The following KCNMB4 variants were observed in gnomAD, a reference collection of about 807,000 sequenced individuals.
KCNMB4 encodes the protein potassium calcium-activated channel subfamily M regulatory beta subunit 4.
In KCNMB4, 3 loss-of-function variants were observed where a neutral mutation model predicts 20.7. The observed-to-expected ratio is 0.14, with a 90% CI of 0.07 to 0.37. The LOEUF (loss-of-function observed/expected upper bound fraction) is 0.37. Ranked by LOEUF, KCNMB4 falls within the 10% of genes least tolerant of loss-of-function variation. The pLI, the probability that KCNMB4 is intolerant of heterozygous loss-of-function variation, is 1.00. For synonymous variants in KCNMB4, 110 were observed against 113.4 expected (o/e 0.97, Z 0.19); for missense variants, 168 against 265.9 (o/e 0.63, Z 2.56).
chr12:70,382,393 A>G (rs1040195469), intron 1 of KCNMB4, among the ~76,000 whole-genome samples: 6 of 144,078 alleles, frequency 4.2e-5, no homozygotes, highest in African/African-American at 1.6e-4. Flanking sequence ...AGATCGCGCC[A>G]CAGCACTCCC....
chr12:70,426,115 G>A (rs2136143771), intron 2 of KCNMB4, among the ~76,000 whole-genome samples: 1 of 152,132 alleles, frequency 6.6e-6, no homozygotes, highest in African/African-American at 2.4e-5. Flanking sequence ...CAAATATGGT[G>A]AAACCCCATC....
intron 2 of KCNMB4, among the ~76,000 whole-genome samples, chr12:70,424,357 A>G (rs1344846827): frequency 1.3e-5 from 2 of 151,904 alleles, no homozygotes; most frequent in African/African-American, 4.8e-5. Flanking sequence ...ACAACAGAGC[A>G]GTTCAATGTA....
At position 70,366,633 on chromosome 12, in the gene KCNMB4, C is replaced by T; in HGVS notation, c.-102C>T. 3.6e-6 allele frequency: 3 copies of T among 835,160 alleles called. No individual in the cohort carries two copies. The highest frequency in any genetic ancestry group is 4.7e-6 in the Non-Finnish European group (3 of 641,710). 51.7% of individuals were successfully genotyped at this position (835,160 alleles called of 1,614,324 possible). ...CCACTCCCCTGCTGTCGCGCGGCGG[C>T]GGCGGTGGCGGCGGCGGCTCCTCCC... On this transcript the variant is annotated 5_prime_UTR_variant, in exon 1 of 3. Coordinates refer to ENST00000258111, the MANE Select transcript of KCNMB4 (RefSeq NM_014505.6).
At chr12:70,369,363 CAG>C (rs1883550831) in intron 1 of KCNMB4, among the ~76,000 whole-genome samples, 1 of 152,180 alleles carries the variant, frequency 6.6e-6, no homozygotes, top group Non-Finnish European at 1.5e-5. Flanking sequence ...TGTACATAAG[CAG>C]AGTGTTTCCA....
intron 1 of KCNMB4, among the ~76,000 whole-genome samples, chr12:70,397,050 T>C (rs1349159384): frequency 6.6e-6 from 1 of 152,188 alleles, no homozygotes; most frequent in Non-Finnish European, 1.5e-5. Flanking sequence ...AAGAATTTGA[T>C]GTTTGCCTTA....
intron 1 of KCNMB4, among the ~76,000 whole-genome samples, chr12:70,396,767 C>T (rs1041639966): frequency 6.6e-6 from 1 of 152,144 alleles, no homozygotes; most frequent in Non-Finnish European, 1.5e-5. Flanking sequence ...TGTGGTCCTC[C>T]CCAAATGAGA....
intron 1 of KCNMB4, among the ~76,000 whole-genome samples, chr12:70,373,925 G>A (rs1883641768): frequency 6.6e-6 from 1 of 152,184 alleles, no homozygotes; most frequent in African/African-American, 2.4e-5. Context: ...GTACAAGACT[G>A]CAGTGAGCTA....
At chr12:70,427,314 G>T (rs1310205356) in intron 2 of KCNMB4, among the ~76,000 whole-genome samples, 1 of 152,198 alleles carries the variant, frequency 6.6e-6, no homozygotes, top group Admixed American at 6.5e-5. Flanking sequence ...GTTTGAATGA[G>T]CTAGACTTTA....
Position 70,430,512 on chromosome 12 carries a change from T to G in KCNMB4, c.492T>G (p.Thr164=). ...QRPDDVLLHR[T]HDEIVLLHCF... ...CAGATGATGTGCTTCTGCATCGCAC[T>G]CATGATGAGATTGTCCTCCTGCATT... The change falls in exon 3 of 3, where the codon ACT becomes ACG. Residue 164 remains threonine (T), a synonymous_variant. Transcript: ENST00000258111. 1 of 1,613,116 alleles carries G rather than the reference T, an allele frequency of 6.2e-7. No individual in the cohort carries two copies. The highest frequency in any genetic ancestry group is 1.1e-5 in the South Asian group (1 of 90,740).
chr12:70,376,725 C>T (rs7132023), intron 1 of KCNMB4, among the ~76,000 whole-genome samples: 2 of 150,084 alleles, frequency 1.3e-5, no homozygotes, highest in Non-Finnish European at 3.0e-5. Flanking sequence ...AAAAACAAAA[C>T]GCCAGATGTC....
chr12:70,371,865 G>C (rs1883602152), intron 1 of KCNMB4, among the ~76,000 whole-genome samples: 1 of 152,138 alleles, frequency 6.6e-6, no homozygotes, highest in East Asian at 1.9e-4. Context: ...GGAAGTAACA[G>C]ACAAGAAATA....
chr12:70,430,647 C>G lies in KCNMB4; in HGVS notation c.627C>G (p.Phe209Leu). 6.2e-7 allele frequency: 1 copy of G among 1,608,082 alleles called. No homozygotes were observed. Among genetic ancestry groups the G allele is most frequent in the Non-Finnish European group, 8.5e-7 (1 of 1,178,454 alleles). The change falls in exon 3 of 3, where the codon TTC becomes TTG. Residue 209 changes from phenylalanine (F) to leucine (L), a missense_variant. Coordinates refer to ENST00000258111, the MANE Select transcript of KCNMB4 (RefSeq NM_014505.6). The part of the protein sequence containing the change: ...VKAEAMKKRK[F>L]S Reference sequence around the variant, plus strand: ...CGGAAGCCATGAAGAAGCGCAAGTTCTCTTAAAGGGGAAGGAGGCTTGTAG... The same window carrying G: ...CGGAAGCCATGAAGAAGCGCAAGTTGTCTTAAAGGGGAAGGAGGCTTGTAG...
chr12:70,402,713 C>G (rs959603434), intron 2 of KCNMB4, among the ~76,000 whole-genome samples: 1 of 146,794 alleles, frequency 6.8e-6, no homozygotes. Context: ...GAGAAATGCA[C>G]AGGTGGACGG....
At chr12:70,386,020 G>A (rs916042099) in intron 1 of KCNMB4, among the ~76,000 whole-genome samples, 4 of 152,002 alleles carry the variant, frequency 2.6e-5, no homozygotes, top group Non-Finnish European at 5.9e-5. Context: ...TGATTACATT[G>A]AAACAAAAAC....
At chr12:70,422,201 T>A (rs912277252) in intron 2 of KCNMB4, among the ~76,000 whole-genome samples, 6 of 152,224 alleles carry the variant, frequency 3.9e-5, no homozygotes, top group African/African-American at 1.4e-4. Context: ...CCAGTTTATT[T>A]CTGCTTAAAC....
intron 1 of KCNMB4, among the ~76,000 whole-genome samples, chr12:70,397,193 A>G (rs1868361701): frequency 6.6e-6 from 1 of 152,094 alleles, no homozygotes; most frequent in Non-Finnish European, 1.5e-5. Flanking sequence ...CACCTTCTCT[A>G]CAAAAAATTA....
chr12:70,430,692 G>A lies in KCNMB4; in HGVS notation c.*39G>A. The A allele has an allele frequency of 5.2e-6, 8 of 1,536,426 alleles. No homozygotes were observed. The highest frequency in any genetic ancestry group is 7.0e-6 in the Non-Finnish European group (8 of 1,147,154). ...TTGTAGAAAGCAAAGTACAGAAGCT[G>A]TACTCATCGGCACGCGTCCACCTGC... is the stretch of plus-strand genomic sequence containing the variant. On this transcript the variant is annotated 3_prime_UTR_variant, in exon 3 of 3. Coordinates refer to ENST00000258111, the MANE Select transcript of KCNMB4 (RefSeq NM_014505.6).
intron 1 of KCNMB4, among the ~76,000 whole-genome samples, chr12:70,382,653 AG>A (rs1395901104): frequency 6.6e-6 from 1 of 152,178 alleles, no homozygotes; most frequent in Non-Finnish European, 1.5e-5. Flanking sequence ...TTAAAATTGA[AG>A]GAAAAATGAT....
At chr12:70,396,122 AT>A (rs774539608) in intron 1 of KCNMB4, among the ~76,000 whole-genome samples, 7 of 152,156 alleles carry the variant, frequency 4.6e-5, no homozygotes, top group Non-Finnish European at 7.3e-5. Flanking sequence ...TTCCATTCCA[AT>A]AAAAATACTA....
Sources: gnomAD v4.1 joint callset for allele counts (sites outside exome capture counted in the v4.1 genomes callset) on GRCh38, gnomAD v4.1.1 for gene constraint, MANE v1.5 for transcripts, NCBI Gene and HGNC (gene_info 2026-07-23, HGNC 2026-07-21) for gene names.